The following PDE10A variants were observed in gnomAD, a reference collection of about 807,000 sequenced individuals.
PDE10A encodes cAMP and cAMP-inhibited cGMP 3',5'-cyclic phosphodiesterase 10A.
A neutral mutation model predicts 97.7 loss-of-function variants in PDE10A; 39 were observed. The ratio of observed to expected loss-of-function variants is 0.40; its 90% CI spans 0.31 to 0.52. The LOEUF is 0.52. PDE10A is among the 20% of genes least tolerant of loss of function. The probability of loss-of-function intolerance (pLI) is 0.56; values close to 1 mark genes in which losing one functional copy is unlikely to be tolerated. For synonymous variants in PDE10A, 371 were observed against 376.8 expected (o/e 0.98, Z 0.18); for missense variants, 731 against 1,047.8 (o/e 0.70, Z 4.17).
In PDE10A at chr6:165,711,303, G is replaced by C. The variant is rs1044023112; in HGVS notation, c.-614-167735C>G. Reference sequence around the variant, plus strand: ...GGCTCCCATTGGCCCTTCAAGTTGGGCACTGTGGCACCATTACAGATGGTA... The same window carrying C: ...GGCTCCCATTGGCCCTTCAAGTTGGCCACTGTGGCACCATTACAGATGGTA... On this transcript the variant is annotated intron_variant, in intron 1 of 19. Coordinates refer to the PDE10A transcript ENST00000366882. The surrounding 1 kb of genome is among the most constrained non-coding windows in gnomAD (Gnocchi z 4.5). Among the ~76,000 whole-genome samples the C allele has an allele frequency of 1.3e-5, 2 of 152,160 alleles. No individual in the cohort carries two copies. The highest frequency in any genetic ancestry group is 1.3e-4 in the Admixed American group (2 of 15,278).
chr6:165,498,524 GAA>G (rs932465252), intron 2 of PDE10A, among the ~76,000 whole-genome samples: 1 of 135,580 alleles, frequency 7.4e-6, no homozygotes, highest in Non-Finnish European at 1.5e-5. Flanking sequence ...TCTGAAGTTG[GAA>G]AAAAAATCCC....
At chr6:165,397,727 TGAAG>T (rs1196479192) in intron 13 of PDE10A, among the ~76,000 whole-genome samples, 1 of 128,598 alleles carries the variant, frequency 7.8e-6, no homozygotes, top group Non-Finnish European at 1.6e-5. Flanking sequence ...AAAAAAAGAA[TGAAG>T]CTAAATGGGT....
chr6:165,687,607 C>T (rs1791156860), intron 1 of PDE10A, among the ~76,000 whole-genome samples: 1 of 152,180 alleles, frequency 6.6e-6, no homozygotes, highest in Admixed American at 6.5e-5. Context: ...TTTCTACAAG[C>T]ACACAATACG....
chr6:165,654,102 C>A (rs770567154), intron 1 of PDE10A, among the ~76,000 whole-genome samples: 2 of 152,172 alleles, frequency 1.3e-5, no homozygotes, highest in Non-Finnish European at 2.9e-5. Flanking sequence ...TTGTGCATAC[C>A]TTTGTGTTTA....
At chr6:165,827,276 C>T (rs1779788641) in intron 1 of PDE10A, among the ~76,000 whole-genome samples, 1 of 152,192 alleles carries the variant, frequency 6.6e-6, no homozygotes, top group Non-Finnish European at 1.5e-5. Flanking sequence ...CGCCCATTCG[C>T]GGCTGCCCGC....
intron 1 of PDE10A, among the ~76,000 whole-genome samples, chr6:165,553,770 T>C (rs761418620): frequency 6.6e-6 from 1 of 152,174 alleles, no homozygotes; most frequent in Non-Finnish European, 1.5e-5. Context: ...CCTAAGAACA[T>C]AAATGAAAGT....
intron 1 of PDE10A, among the ~76,000 whole-genome samples, chr6:165,647,337 C>T (rs1249203440): frequency 6.6e-6 from 1 of 152,208 alleles, no homozygotes; most frequent in African/African-American, 2.4e-5. Flanking sequence ...CACTCAACCC[C>T]AGCAGCAGGA....
chr6:165,760,284 A>C (rs1293354897), intron 1 of PDE10A, among the ~76,000 whole-genome samples: 1 of 152,282 alleles, frequency 6.6e-6, no homozygotes, highest in East Asian at 1.9e-4. Context: ...CTAGAATTGA[A>C]AGTGATTTGA....
At chr6:165,592,814 G>A (rs1786357203) in intron 1 of PDE10A, among the ~76,000 whole-genome samples, 1 of 152,192 alleles carries the variant, frequency 6.6e-6, no homozygotes, top group Non-Finnish European at 1.5e-5. Flanking sequence ...TGCTGGAGAG[G>A]ATATGGAGAA....
chr6:165,603,870 A>G (rs62426701), intron 1 of PDE10A, among the ~76,000 whole-genome samples: 1 of 152,224 alleles, frequency 6.6e-6, no homozygotes, highest in African/African-American at 2.4e-5. Context: ...GGTATATGCA[A>G]CAACTGAATA....
At chr6:165,606,153 G>GAA (rs71029555) in intron 1 of PDE10A, among the ~76,000 whole-genome samples, 14,826 of 112,950 alleles carry the variant, frequency 0.13, 1,289 homozygotes, top group East Asian at 0.36. Flanking sequence ...ACGAACAAGC[G>GAA]AAAAAAAAAA....
chr6:165,361,864 T>C (rs1783449349), intron 18 of PDE10A, among the ~76,000 whole-genome samples: 1 of 152,168 alleles, frequency 6.6e-6, no homozygotes, highest in Admixed American at 6.6e-5. Context: ...TGTGAGAAAA[T>C]AAATTTCTAT....
At chr6:165,478,065 A>G (rs1006648158) in intron 3 of PDE10A, among the ~76,000 whole-genome samples, 1 of 152,182 alleles carries the variant, frequency 6.6e-6, no homozygotes, top group African/African-American at 2.4e-5. Flanking sequence ...TCCCAAATGC[A>G]TATCTCTACC....
At chr6:165,764,716 G>T (rs1343223260) in intron 1 of PDE10A, among the ~76,000 whole-genome samples, 2 of 152,186 alleles carry the variant, frequency 1.3e-5, no homozygotes, top group Admixed American at 6.5e-5. Flanking sequence ...GACCTTCCCG[G>T]TGAGTGTTAC....
intron 2 of PDE10A, among the ~76,000 whole-genome samples, chr6:165,514,771 G>A (rs570589382): frequency 3.0e-4 from 46 of 152,292 alleles, no homozygotes; most frequent in South Asian, 6.2e-4. Context: ...AGGGGGTACC[G>A]GAAGTAGCTC....
chr6:165,344,779 C>T (rs1360095998), intron 18 of PDE10A, among the ~76,000 whole-genome samples: 2 of 152,160 alleles, frequency 1.3e-5, no homozygotes, highest in Non-Finnish European at 2.9e-5. Context: ...TACTACCTTG[C>T]TTTTTGTAAG....
chr6:165,400,118 TCC>T (rs1786528130), intron 13 of PDE10A, among the ~76,000 whole-genome samples: 1 of 151,950 alleles, frequency 6.6e-6, no homozygotes. Context: ...CAACCAAATA[TCC>T]AAGAGCAATA....
chr6:165,762,754 A>G (rs1793281831), intron 1 of PDE10A, among the ~76,000 whole-genome samples: 1 of 152,138 alleles, frequency 6.6e-6, no homozygotes, highest in Admixed American at 6.5e-5. Flanking sequence ...ACAATTGTTC[A>G]CTTTTCTCTG....
chr6:165,556,723 G>C (rs755336511), intron 1 of PDE10A, among the ~76,000 whole-genome samples: 3 of 152,140 alleles, frequency 2.0e-5, no homozygotes, highest in African/African-American at 7.2e-5. Context: ...TATCGGCTAT[G>C]AAAGGGCAAG....
Sources: allele counts gnomAD v4.1 joint callset (sites outside exome capture counted in the v4.1 genomes callset), GRCh38; gene constraint gnomAD v4.1.1; non-coding constraint Gnocchi (gnomAD v3.1); transcripts MANE v1.5; gene names NCBI Gene and HGNC (gene_info 2026-07-23, HGNC 2026-07-21).